NBPF8: variants seen among roughly 807,000 people sequenced by gnomAD.
The protein encoded by NBPF8 is NBPF member 8.
chr1:120,460,073 C>G (rs1661534970), intron 17 of NBPF8, among the ~76,000 whole-genome samples: 1 of 152,150 alleles, frequency 6.6e-6, no homozygotes, highest in South Asian at 2.1e-4. Flanking sequence ...GGTATGTTTT[C>G]TAGATAAATG....
At chr1:120,449,434 G>T in intron 11 of NBPF8, 32 bp downstream of exon 9, 2 of 1,480,202 alleles carry the variant, frequency 1.4e-6, no homozygotes, top group Non-Finnish European at 1.9e-6. Flanking sequence ...TCATGAAAGT[G>T]ATGAATGATA....
upstream of NBPF8, chr1:120,432,126 C>A (rs1323784283): frequency 1.4e-5 from 2 of 144,410 alleles, no homozygotes; most frequent in Non-Finnish European, 3.0e-5. Flanking sequence ...GGTCTAGGTG[C>A]TGGGGTCCCT....
At chr1:120,445,747 G>C in intron 7 of NBPF8, 4 of 252,994 alleles carry the variant, frequency 1.6e-5, no homozygotes, top group East Asian at 6.9e-5. Flanking sequence ...TGTGAACATT[G>C]TCTCAGAAAT....
intron 1 of NBPF8, among the ~76,000 whole-genome samples, chr1:120,424,413 A>C (rs1322656781): frequency 6.6e-6 from 1 of 151,968 alleles, no homozygotes; most frequent in Non-Finnish European, 1.5e-5. Context: ...ATTTTCACAT[A>C]ATAATATTTG....
intron 16 of NBPF8, among the ~76,000 whole-genome samples, chr1:120,456,135 T>C (rs1276936637): frequency 0.48 from 71,926 of 150,524 alleles, 18,641 homozygotes; most frequent in African/African-American, 0.67. Flanking sequence ...TCTGACAGTT[T>C]GTTGTGATTT....
At chr1:120,466,123 C>G in exon 25 of NBPF8, 1 of 1,610,870 alleles carries the variant, frequency 6.2e-7, no homozygotes, top group African/African-American at 1.3e-5. Flanking sequence ...TGAGGAACAG[C>G]ACATCAGCTT....
chr1:120,421,342 G>A (rs1660569670), intron 1 of NBPF8, among the ~76,000 whole-genome samples: 1 of 152,040 alleles, frequency 6.6e-6, no homozygotes, highest in Admixed American at 6.6e-5. Flanking sequence ...ATGTAAGTTT[G>A]TTCATTTCCT....
intron 3 of NBPF8, among the ~76,000 whole-genome samples, 57 bp downstream of exon 3, chr1:120,427,904 G>A (rs1488542871): frequency 7.9e-5 from 12 of 151,216 alleles, no homozygotes; most frequent in African/African-American, 1.7e-4. Context: ...TTTTTCCAGG[G>A]CAGAGATGGG....
At position 120,466,409 on chromosome 1, in the gene NBPF8, T is replaced by C; in HGVS notation, n.4000T>C. 4.1e-6 allele frequency: 3 copies of C among 731,046 alleles called. No individual in the cohort carries two copies. The South Asian group carries it at 5.3e-5, about 13-fold the overall frequency. 45.3% of individuals were successfully genotyped at this position (731,046 alleles called of 1,614,324 possible). A position where few individuals can be genotyped will look rare whatever the true frequency, so the allele number is the denominator to read the frequency against. ...TCAGTCTGAAGACAATGGACCCACG[T>C]TAGGTGTGACACGTTCACATAACTG... On this transcript the variant is annotated non_coding_transcript_exon_variant, in exon 25 of 25. Transcript: ENST00000583271.
intron 1 of NBPF8, among the ~76,000 whole-genome samples, chr1:120,425,633 T>C (rs1248103505): frequency 6.6e-6 from 1 of 152,180 alleles, no homozygotes; most frequent in Non-Finnish European, 1.5e-5. Flanking sequence ...TCTTTCTCTG[T>C]ACTTTGTCTC....
At chr1:120,454,622 T>G (rs1448214222) in intron 15 of NBPF8, among the ~76,000 whole-genome samples, 1 of 150,500 alleles carries the variant, frequency 6.6e-6, no homozygotes, top group Non-Finnish European at 1.5e-5. Flanking sequence ...TGCTGATATA[T>G]TTCCATAAAG....
At chr1:120,469,669 T>A (rs1282565774), downstream of NBPF8, among the ~76,000 whole-genome samples, 6 of 151,526 alleles carry the variant, frequency 4.0e-5, no homozygotes, top group African/African-American at 1.5e-4. Context: ...AAAGAACACT[T>A]TACCTAACTC....
At chr1:120,435,955 C>A (rs1322810263), upstream of NBPF8, among the ~76,000 whole-genome samples, 1 of 151,682 alleles carries the variant, frequency 6.6e-6, no homozygotes, top group East Asian at 1.9e-4. Flanking sequence ...GAAAATATAA[C>A]CTGTTGGGAA....
Position 120,452,108 on chromosome 1 carries a change from T to C in NBPF8, n.2075-9T>C. On this transcript the variant is annotated splice_polypyrimidine_tract_variant and intron_variant and non_coding_transcript_variant, in intron 12 of 24. Coordinates refer to ENST00000583271, the Ensembl canonical transcript of NBPF8. ...CCACTCTTAAATTTTCTCTACCGTC[T>C]CACCTTAGGCAATATAAAGTCCTGG... is the stretch of plus-strand genomic sequence containing the variant. 2 of 1,553,682 alleles carry C rather than the reference T, an allele frequency of 1.3e-6. No individual in the cohort carries two copies. The highest frequency in any genetic ancestry group is 2.2e-5 in the South Asian group (2 of 89,966).
downstream of NBPF8, among the ~76,000 whole-genome samples, chr1:120,469,594 A>C (rs1207639898): frequency 6.6e-6 from 1 of 152,196 alleles, no homozygotes; most frequent in African/African-American, 2.4e-5. Flanking sequence ...TGTTGAGCAA[A>C]AACTTAATTT....
chr1:120,434,417 A>T (rs1553247500), upstream of NBPF8, among the ~76,000 whole-genome samples: 7 of 145,712 alleles, frequency 4.8e-5, no homozygotes, highest in Admixed American at 4.2e-4. Flanking sequence ...TATATATATT[A>T]TATATATATA....
chr1:120,434,562 T>A (rs1661019443), upstream of NBPF8, among the ~76,000 whole-genome samples: 1 of 150,886 alleles, frequency 6.6e-6, no homozygotes, highest in Admixed American at 6.6e-5. Context: ...TGTGTCCAAG[T>A]GTTCTCATTG....
upstream of NBPF8, chr1:120,432,876 C>T (rs1180705945): frequency 6.6e-6 from 1 of 151,002 alleles, no homozygotes; most frequent in Non-Finnish European, 1.5e-5. Flanking sequence ...TAAAGTGGTG[C>T]AGTCTGTTGT....
intron 15 of NBPF8, among the ~76,000 whole-genome samples, chr1:120,454,564 G>C (rs1352395187): frequency 1.3e-5 from 2 of 152,054 alleles, no homozygotes; most frequent in South Asian, 4.2e-4. Flanking sequence ...AGCTTGCTTA[G>C]CTGCACAGTC....
Sources: allele counts gnomAD v4.1 joint callset (sites outside exome capture counted in the v4.1 genomes callset), GRCh38; gene constraint gnomAD v4.1.1; transcripts MANE v1.5; gene names NCBI Gene and HGNC (gene_info 2026-07-23, HGNC 2026-07-21).